SLC25A26: variants seen among roughly 807,000 people sequenced by gnomAD.
SLC25A26 encodes the protein solute carrier family 25 member 26.
In SLC25A26, 36 loss-of-function variants were observed where a neutral mutation model predicts 37.8. That is an observed-to-expected ratio of 0.95 (90% CI 0.73 to 1.26). SLC25A26 has a LOEUF of 1.26. Among genes scored for constraint, SLC25A26 ranks in the 50% most tolerant of loss-of-function variants. SLC25A26 has a pLI of 0.00. For missense variants in SLC25A26, 390 were observed against 331.1 expected (o/e 1.18, Z -1.38); for synonymous variants, 129 against 122.5 (o/e 1.05, Z -0.35).
intron 5 of SLC25A26, among the ~76,000 whole-genome samples, chr3:66,338,144 T>C (rs1575585005): frequency 6.6e-6 from 1 of 152,124 alleles, no homozygotes; most frequent in East Asian, 1.9e-4. Flanking sequence ...GTATAACCTG[T>C]GTAAGGGTTG....
At chr3:66,269,148 C>T (rs951184712) in intron 5 of SLC25A26, among the ~76,000 whole-genome samples, 2 of 152,180 alleles carry the variant, frequency 1.3e-5, no homozygotes, top group Admixed American at 6.5e-5. Flanking sequence ...AGACTCTTCT[C>T]GTTGATACCT....
intron 6 of SLC25A26, among the ~76,000 whole-genome samples, chr3:66,352,839 G>C (rs1254490784): frequency 6.6e-6 from 1 of 151,962 alleles, no homozygotes; most frequent in Admixed American, 6.6e-5. Flanking sequence ...TAGATCACAT[G>C]TCACCTCAGA....
At chr3:66,251,801 T>C (rs1335878726) in intron 3 of SLC25A26, among the ~76,000 whole-genome samples, 1 of 152,230 alleles carries the variant, frequency 6.6e-6, no homozygotes, top group East Asian at 1.9e-4. Flanking sequence ...CAGATTGTTT[T>C]CTGTTGTATG....
intron 6 of SLC25A26, among the ~76,000 whole-genome samples, chr3:66,359,196 C>T (rs1309973173): frequency 3.3e-5 from 5 of 152,120 alleles, no homozygotes. Context: ...TTTTTTCGCC[C>T]CCTGGCAACC....
At position 66,180,881 on chromosome 3, in the gene SLC25A26, G is replaced by T. The variant is rs139553943; in HGVS notation, c.-353-39861G>T. ...ACAGGGCCATAAGGATGTAATTAAG[G>T]TTTAATGAGCTTGCAAGAGTGGGGA... is the stretch of plus-strand genomic sequence containing the variant. On this transcript the variant is annotated intron_variant, in intron 1 of 10. Coordinates refer to the SLC25A26 transcript ENST00000676754. Among the ~76,000 whole-genome samples, 941 of 152,262 alleles carry T rather than the reference G, an allele frequency of 6.2e-3. 7 individuals carry two copies. Among genetic ancestry groups the T allele is most frequent in the Non-Finnish European group, 0.01 (682 of 68,020 alleles).
chr3:66,196,367 G>C (rs1224227490), intron 1 of SLC25A26, among the ~76,000 whole-genome samples: 1 of 152,186 alleles, frequency 6.6e-6, no homozygotes, highest in Non-Finnish European at 1.5e-5. Flanking sequence ...ACATACCTGA[G>C]ATGAATAAAT....
chr3:66,304,371 A>G, intron 5 of SLC25A26: 1 of 452,810 alleles, frequency 2.2e-6, no homozygotes, highest in Non-Finnish European at 4.4e-6. Flanking sequence ...TCTCATATCT[A>G]AGCTAATATC....
At chr3:66,372,621 G>A (rs559477937) in intron 9 of SLC25A26, among the ~76,000 whole-genome samples, 1 of 152,158 alleles carries the variant, frequency 6.6e-6, no homozygotes, top group African/African-American at 2.4e-5. Flanking sequence ...GCTCTAGTCA[G>A]TCTGTACAGT....
intron 5 of SLC25A26, among the ~76,000 whole-genome samples, chr3:66,335,904 GGGAAGGAGGGAGGAA>G (rs2076084472): frequency 6.6e-6 from 1 of 152,138 alleles, no homozygotes; most frequent in Non-Finnish European, 1.5e-5. Flanking sequence ...GTGGTGGGGA[GGGAAGGAGGGAGGAA>G]GGAAGGAGAG....
intron 3 of SLC25A26, among the ~76,000 whole-genome samples, chr3:66,255,773 A>G (rs1402249752): frequency 5.3e-5 from 8 of 152,194 alleles, no homozygotes; most frequent in African/African-American, 1.7e-4. Context: ...CAAATCTAAG[A>G]AGGATCAGAG....
At chr3:66,370,395 A>G (rs531192444) in intron 8 of SLC25A26, 134 bp from the exon 9 acceptor site, 14 of 784,914 alleles carry the variant, frequency 1.8e-5, no homozygotes, top group Non-Finnish European at 3.0e-5. Context: ...CTGATTGCCA[A>G]GAAACTCCCT....
At chr3:66,247,611 A>G (rs182869144) in intron 3 of SLC25A26, among the ~76,000 whole-genome samples, 4 of 152,212 alleles carry the variant, frequency 2.6e-5, no homozygotes, top group Non-Finnish European at 5.9e-5. Context: ...CACCCTGCCA[A>G]TATTGACCTT....
chr3:66,339,384 T>C (rs570147129), intron 5 of SLC25A26, among the ~76,000 whole-genome samples: 2 of 152,182 alleles, frequency 1.3e-5, no homozygotes, highest in South Asian at 4.1e-4. Context: ...ATTAGGTTTA[T>C]ACCTAGAAAT....
intron 3 of SLC25A26, among the ~76,000 whole-genome samples, chr3:66,247,149 C>A (rs189057108): frequency 9.2e-5 from 14 of 152,230 alleles, no homozygotes; most frequent in Middle Eastern, 3.4e-3. Flanking sequence ...CAGGTGTCAG[C>A]CACCGCGCCA....
chr3:66,369,670 C>G (rs1014750361), intron 8 of SLC25A26, 128 bp downstream of exon 8: 7 of 726,952 alleles, frequency 9.6e-6, no homozygotes, highest in Non-Finnish European at 1.6e-5. Context: ...GCTGCCTGTG[C>G]AACCTCTAAC....
intron 1 of SLC25A26, among the ~76,000 whole-genome samples, chr3:66,212,534 A>T (rs944827922): frequency 1.3e-5 from 2 of 152,216 alleles, no homozygotes; most frequent in African/African-American, 4.8e-5. Context: ...GGTTTCAGGC[A>T]TCACCCACTG....
intron 1 of SLC25A26, among the ~76,000 whole-genome samples, chr3:66,231,104 G>A (rs2072005420): frequency 6.6e-6 from 1 of 152,216 alleles, no homozygotes; most frequent in Non-Finnish European, 1.5e-5. Flanking sequence ...GAACCTGGGA[G>A]GCAGAGGTTG....
intron 3 of SLC25A26, among the ~76,000 whole-genome samples, chr3:66,245,301 A>G (rs1168934781): frequency 2.0e-5 from 3 of 151,658 alleles, no homozygotes; most frequent in Non-Finnish European, 4.4e-5. Context: ...GGAGAAATGT[A>G]TAATACAAAT....
At chr3:66,249,313 C>T (rs148448762) in intron 3 of SLC25A26, among the ~76,000 whole-genome samples, 30 of 152,258 alleles carry the variant, frequency 2.0e-4, no homozygotes, top group Non-Finnish European at 4.1e-4. Context: ...GGCCGTTGGA[C>T]CCCCTTTGTA....
Sources: gnomAD v4.1 joint callset for allele counts (sites outside exome capture counted in the v4.1 genomes callset) on GRCh38, gnomAD v4.1.1 for gene constraint, MANE v1.5 for transcripts, NCBI Gene and HGNC (gene_info 2026-07-23, HGNC 2026-07-21) for gene names.